APOLD1: variants seen among roughly 807,000 people sequenced by gnomAD.
The protein encoded by APOLD1 is apolipoprotein L domain-containing protein 1.
In APOLD1, 22 loss-of-function variants were observed where a neutral mutation model predicts 15.3. That is an observed-to-expected ratio of 1.44 (90% confidence interval 1.03 to 2.05). The LOEUF (loss-of-function observed/expected upper bound fraction) is 2.05, where lower values mean the gene tolerates loss of function less well. APOLD1 is among the 30% of genes most tolerant of loss of function. APOLD1 has a pLI of 0.00. For missense variants in APOLD1, 394 were observed against 353.5 expected, an observed-to-expected ratio of 1.11 and a Z score of -0.92; for synonymous variants, 190 against 167.4, an observed-to-expected ratio of 1.13 and a Z score of -1.04.
upstream of APOLD1, among the ~76,000 whole-genome samples, chr12:12,782,583 C>G (rs1338951910): frequency 6.6e-6 from 1 of 152,174 alleles, no homozygotes; most frequent in Non-Finnish European, 1.5e-5. Context: ...AGGAGGATTG[C>G]TTGATCTCAG....
chr12:12,786,640 C>T, intron 1 of APOLD1: 1 of 985,106 alleles, frequency 1.0e-6, no homozygotes, highest in South Asian at 4.7e-5. Flanking sequence ...CCATCGTTAA[C>T]GTTCCCTGGG....
Position 12,762,437 on chromosome 12 carries a change from C to A in APOLD1, c.97-24472C>A, listed in dbSNP as rs186519507. 5.4e-3 allele frequency among the ~76,000 whole-genome samples: 822 copies of A among 152,022 alleles called. 6 individuals carry two copies. The highest frequency in any genetic ancestry group is 0.019 in the African/African-American group (787 of 41,510). On this transcript the variant is annotated intron_variant, in intron 1 of 1. Transcript: ENST00000326765. ...TGGCACTATCTCGGCTCACTGCAAC[C>A]TCTGCCTCCCAGGTTCAAGCAATTC... is the stretch of plus-strand genomic sequence containing the variant.
chr12:12,781,367 C>A (rs1947078304), upstream of APOLD1, among the ~76,000 whole-genome samples: 1 of 152,078 alleles, frequency 6.6e-6, no homozygotes, highest in Non-Finnish European at 1.5e-5. Flanking sequence ...TTGCTTGAAC[C>A]TGGGAGGCGG....
At chr12:12,733,322 C>CA (rs892018413) in intron 1 of APOLD1, among the ~76,000 whole-genome samples, 170 of 139,368 alleles carry the variant, frequency 1.2e-3, no homozygotes, top group Middle Eastern at 3.7e-3. Flanking sequence ...AAGACTGTCT[C>CA]AAAAAAAAAA....
intron 1 of APOLD1, among the ~76,000 whole-genome samples, chr12:12,727,817 C>T (rs1258562302): frequency 6.9e-6 from 1 of 144,288 alleles, no homozygotes; most frequent in Non-Finnish European, 1.5e-5. Context: ...CCAGGCTGGT[C>T]TTGAACTTCT....
intron 1 of APOLD1, among the ~76,000 whole-genome samples, chr12:12,772,398 A>G (rs144729028): frequency 2.0e-5 from 3 of 151,534 alleles, no homozygotes; most frequent in African/African-American, 4.9e-5. Flanking sequence ...GGGACATTAC[A>G]TAGTGATAAA....
At chr12:12,737,996 C>G (rs1188302929) in intron 1 of APOLD1, among the ~76,000 whole-genome samples, 1 of 152,116 alleles carries the variant, frequency 6.6e-6, no homozygotes, top group Non-Finnish European at 1.5e-5. Flanking sequence ...ATTCTGTTTC[C>G]TGCTTTTCTT....
rs1207757890 is a variant in APOLD1, at chr12:12,774,533, G to A, written c.97-12376G>A. The stretch of plus-strand genomic sequence containing the variant: ...TGCACTCTGGCCTGGGTGACACAGC[G>A]AGACTCTAACTCCAAAAAAAAAAAA... On this transcript the variant is annotated intron_variant, in intron 1 of 1. Transcript: ENST00000326765. Among the ~76,000 whole-genome samples, 14 of 103,258 alleles carry A rather than the reference G, an allele frequency of 1.4e-4. No individual in the cohort carries two copies. In the Admixed American group the frequency reaches 1.9e-3, roughly 14 times the overall value. The allele number at this position is 103,258 out of a possible 152,430, so 67.7% of individuals were successfully genotyped here.
At chr12:12,746,492 A>G (rs1309846698) in intron 1 of APOLD1, among the ~76,000 whole-genome samples, 2 of 41,202 alleles carry the variant, frequency 4.9e-5, no homozygotes, top group African/African-American at 7.2e-5. Context: ...GTGAAACTCC[A>G]TCTCAAATAA....
In APOLD1 at chr12:12,787,306, TC is replaced by T. The variant is rs776480104; in HGVS notation, c.403del (p.Leu135Ter). The T allele has an allele frequency of 3.7e-6, 6 of 1,612,506 alleles. No individual in the cohort carries two copies. Among genetic ancestry groups the T allele is most frequent in the Non-Finnish European group, 5.1e-6 (6 of 1,179,654 alleles). On this transcript the variant is annotated frameshift_variant, in exon 2 of 2. Coordinates refer to ENST00000356591, the MANE Select transcript of APOLD1 (RefSeq NM_030817.3). LOFTEE classifies it high-confidence loss of function. The surrounding 1 kb of genome is among the most constrained non-coding windows in gnomAD (Gnocchi z 4.9). ...ACCTGCCAGGACCAGATGCGAGAGA[TC>T]CTGAGCTGCCTCGAGTTTTTCTGCC... ...AATCQDQMREILSCLEFFCRW... is the reference protein window; with the variant it reads ...AATCQDQMREXLSCLEFFCRW...
At chr12:12,728,259 G>C (rs1946609740) in intron 1 of APOLD1, among the ~76,000 whole-genome samples, 1 of 152,118 alleles carries the variant, frequency 6.6e-6, no homozygotes, top group African/African-American at 2.4e-5. Flanking sequence ...GAGCCACTGA[G>C]CCCAGCCTGT....
Position 12,787,789 on chromosome 12 carries a change from G to T in APOLD1, c.*137G>T, listed in dbSNP as rs933071799. 1.6e-6 allele frequency: 2 copies of T among 1,278,206 alleles called. No homozygotes were observed. Among genetic ancestry groups the T allele is most frequent in the African/African-American group, 3.0e-5 (2 of 66,676 alleles). The allele number at this position is 1,278,206 out of a possible 1,614,324, so 79.2% of individuals were successfully genotyped here. On this transcript the variant is annotated 3_prime_UTR_variant, in exon 2 of 2. Coordinates refer to ENST00000356591, the MANE Select transcript of APOLD1 (RefSeq NM_030817.3). The surrounding 1 kb of genome is among the most constrained non-coding windows in gnomAD (Gnocchi z 4.9). ...GGATGAGAAAAACTGTTTTTGAAGT[G>T]GGCAGGTCCCCAAAGCCCTTCTTTT...
At chr12:12,784,037 C>CAA (rs1035456685), upstream of APOLD1, among the ~76,000 whole-genome samples, 4 of 152,066 alleles carry the variant, frequency 2.6e-5, no homozygotes, top group African/African-American at 9.7e-5. Context: ...AATGGGCTTT[C>CAA]AACACAGAGA....
At chr12:12,731,351 A>G (rs557514363) in intron 1 of APOLD1, among the ~76,000 whole-genome samples, 1 of 152,388 alleles carries the variant, frequency 6.6e-6, no homozygotes, top group South Asian at 2.1e-4. Context: ...AACAGTTAAA[A>G]TGGTAAATTT....
Position 12,745,783 on chromosome 12 carries a change from A to AG in APOLD1, c.96+19689dup, listed in dbSNP as rs1166919832. On this transcript the variant is annotated intron_variant, in intron 1 of 1. Coordinates refer to the APOLD1 transcript ENST00000326765. ...CAAATAGTTTCAGGTGGGAAGGGGG[A>AG]GGAAAAAGGGAAGCAAAAGGCAAGG... Among the ~76,000 whole-genome samples the AG allele has an allele frequency of 5.3e-5, 8 of 152,106 alleles. No individual in the cohort carries two copies. The East Asian group carries it at 1.5e-3, about 29-fold the overall frequency.
At chr12:12,752,031 T>C (rs1946816004) in intron 1 of APOLD1, among the ~76,000 whole-genome samples, 1 of 152,182 alleles carries the variant, frequency 6.6e-6, no homozygotes, top group Non-Finnish European at 1.5e-5. Flanking sequence ...CTCTGACACC[T>C]TGACTTTACC....
intron 1 of APOLD1, among the ~76,000 whole-genome samples, chr12:12,759,174 T>C (rs572641386): frequency 6.6e-6 from 1 of 152,340 alleles, no homozygotes; most frequent in East Asian, 1.9e-4. Flanking sequence ...ATTGTCCATT[T>C]AATATTTTCA....
intron 1 of APOLD1, among the ~76,000 whole-genome samples, chr12:12,773,776 C>T (rs184858839): frequency 2.8e-4 from 42 of 152,198 alleles, no homozygotes; most frequent in Admixed American, 2.5e-3. Flanking sequence ...TGGAGAGCCC[C>T]AAAGTGAACC....
At position 12,763,562 on chromosome 12, in the gene APOLD1, G is replaced by A. The variant is rs1273906511; in HGVS notation, c.97-23347G>A. Among the ~76,000 whole-genome samples, 8 of 151,966 alleles carry A rather than the reference G, an allele frequency of 5.3e-5. No individual in the cohort carries two copies. The East Asian group carries it at 5.8e-4, about 11-fold the overall frequency. ...CAATAAAAAATAATACAAATAAAAA[G>A]CAATGAAGTATAATAACTATGTAGC... is the stretch of plus-strand genomic sequence containing the variant. On this transcript the variant is annotated intron_variant, in intron 1 of 1. Transcript: ENST00000326765.
Sources: gnomAD v4.1 joint callset for allele counts (sites outside exome capture counted in the v4.1 genomes callset) on GRCh38, gnomAD v4.1.1 for gene constraint, Gnocchi (gnomAD v3.1) non-coding constraint, MANE v1.5 for transcripts, NCBI Gene and HGNC (gene_info 2026-07-23, HGNC 2026-07-21) for gene names.